PCNP: variants seen among roughly 807,000 people sequenced by gnomAD.
PCNP encodes PEST proteolytic signal-containing nuclear protein.
In PCNP, 6 loss-of-function variants were observed where a neutral mutation model predicts 21.8. The ratio of observed to expected loss-of-function variants is 0.28; its 90% CI spans 0.15 to 0.54. The LOEUF (loss-of-function observed/expected upper bound fraction) is 0.54, where lower values mean the gene tolerates loss of function less well. Among genes scored for constraint, PCNP ranks in the 20% least tolerant of loss-of-function variants. The pLI, the probability that PCNP is intolerant of heterozygous loss-of-function variation, is 0.95. For synonymous variants in PCNP, 67 were observed against 73.2 expected, an observed-to-expected ratio of 0.92 and a Z score of 0.43; for missense variants, 161 against 215.5, an observed-to-expected ratio of 0.75 and a Z score of 1.58.
chr3:101,584,767 C>T (rs1466160312), intron 2 of PCNP, among the ~76,000 whole-genome samples: 3 of 152,164 alleles, frequency 2.0e-5, no homozygotes, highest in East Asian at 3.9e-4. Context: ...CCTTGGGAGG[C>T]TGAGGCGGGT....
At chr3:101,579,646 AAC>A in intron 1 of PCNP, 142 bp from the exon 2 acceptor site, 1 of 727,424 alleles carries the variant, frequency 1.4e-6, no homozygotes, top group Non-Finnish European at 2.6e-6. Context: ...TGTATACTCT[AAC>A]AAACAGTGGA....
Position 101,579,964 on chromosome 3 carries a change from CAAAG to C in PCNP, c.244_247del (p.Lys82HisfsTer27). 1.9e-6 allele frequency: 3 copies of C among 1,613,838 alleles called. No individual in the cohort carries two copies. The highest frequency in any genetic ancestry group is 2.5e-6 in the Non-Finnish European group (3 of 1,179,806). On this transcript the variant is annotated frameshift_variant, in exon 2 of 5. Coordinates refer to ENST00000265260, the MANE Select transcript of PCNP (RefSeq NM_020357.3). LOFTEE classifies it high-confidence loss of function. ...GGATTTGCCATAGGTAGTCAGACGACAAAGAAAGCATCAGCCATATCCATCAAAC... is the reference window on the plus strand; with the variant it reads ...GGATTTGCCATAGGTAGTCAGACGACAAAGCATCAGCCATATCCATCAAAC...
At chr3:101,585,702 T>A (rs1053867420) in intron 3 of PCNP, among the ~76,000 whole-genome samples, 191 bp downstream of exon 3, 1 of 152,200 alleles carries the variant, frequency 6.6e-6, no homozygotes, top group Non-Finnish European at 1.5e-5. Context: ...TTTAGAGTAT[T>A]GTTGACTTTG....
At chr3:101,585,867 C>T (rs1935468983) in intron 3 of PCNP, among the ~76,000 whole-genome samples, 1 of 152,018 alleles carries the variant, frequency 6.6e-6, no homozygotes, top group African/African-American at 2.4e-5. Context: ...TGCATGCATT[C>T]AATTTTAAAA....
intron 3 of PCNP, among the ~76,000 whole-genome samples, chr3:101,586,582 GAGAGAGAGTTTCTTGTTTC>G (rs1485817528): frequency 4.0e-5 from 6 of 150,266 alleles, no homozygotes; most frequent in Non-Finnish European, 8.9e-5. Context: ...GAGAGAGAGA[GAGAGAGAGTTTCTTGTTTC>G]AGAGAGAGAG....
chr3:101,578,000 C>T (rs545671984), intron 1 of PCNP, among the ~76,000 whole-genome samples: 1 of 151,940 alleles, frequency 6.6e-6, no homozygotes, highest in Non-Finnish European at 1.5e-5. Flanking sequence ...TAAAATATTC[C>T]TTAGTAAAGA....
Position 101,593,051 on chromosome 3 carries a change from C to A in PCNP, c.*298C>A. 1 of 195,176 alleles carries A rather than the reference C, an allele frequency of 5.1e-6. No individual in the cohort carries two copies. The highest frequency in any genetic ancestry group is 1.0e-5 in the Non-Finnish European group (1 of 96,226). The allele number at this position is 195,176 out of a possible 1,614,324, so 12.1% of individuals were successfully genotyped here. On this transcript the variant is annotated 3_prime_UTR_variant, in exon 5 of 5. Transcript: ENST00000265260. The stretch of plus-strand genomic sequence containing the variant: ...TAAGAATTGCATATTTTTTTAGACA[C>A]AACTATTAGTACATTAAGAGGGAAG...
chr3:101,589,805 C>A (rs1935714996), intron 3 of PCNP: 3 of 196,432 alleles, frequency 1.5e-5, no homozygotes, highest in Non-Finnish European at 3.1e-5. Flanking sequence ...GTGTCAAACT[C>A]TTTTGCTATT....
chr3:101,576,884 C>G, intron 1 of PCNP: 1 of 1,606,774 alleles, frequency 6.2e-7, no homozygotes, highest in Non-Finnish European at 8.5e-7. Flanking sequence ...TTCCGCTGCC[C>G]ATCGATGTTG....
chr3:101,592,324 C>T (rs1935858934), intron 4 of PCNP, among the ~76,000 whole-genome samples: 1 of 152,022 alleles, frequency 6.6e-6, no homozygotes, highest in African/African-American at 2.4e-5. Flanking sequence ...CAGGCATGGA[C>T]CACCATGCCT....
chr3:101,590,159 C>T, intron 3 of PCNP, 56 bp from the exon 4 acceptor site: 1 of 900,810 alleles, frequency 1.1e-6, no homozygotes, highest in Non-Finnish European at 1.8e-6. Context: ...TATTAGTAAT[C>T]AGGAATTGAA....
chr3:101,575,135 T>C (rs1161401405), intron 1 of PCNP, among the ~76,000 whole-genome samples: 1 of 152,184 alleles, frequency 6.6e-6, no homozygotes, highest in East Asian at 1.9e-4. Flanking sequence ...ACGTAATCTC[T>C]CCAGCTCCCT....
intron 1 of PCNP, among the ~76,000 whole-genome samples, 190 bp downstream of exon 1, chr3:101,574,469 G>C (rs747275905): frequency 3.3e-5 from 5 of 152,192 alleles, no homozygotes; most frequent in Non-Finnish European, 7.3e-5. Context: ...TCGCCTCCTT[G>C]CCTGGGGAGA....
In PCNP at chr3:101,592,821, A is replaced by C. The variant is rs1255193020; in HGVS notation, c.*68A>C. The C allele has an allele frequency of 6.8e-7, 1 of 1,468,814 alleles. No individual in the cohort carries two copies. The highest frequency in any genetic ancestry group is 9.3e-7 in the Non-Finnish European group (1 of 1,079,540). The allele number at this position is 1,468,814 out of a possible 1,614,324, so 91.0% of individuals were successfully genotyped here. A position where few individuals can be genotyped will look rare whatever the true frequency, so the allele number is the denominator to read the frequency against. ...AAGGAACAGTTTCCTTTTTTAAAGAATGGTATAAGACTATCTTTGGAGCCG... is the reference window on the plus strand; with the variant it reads ...AAGGAACAGTTTCCTTTTTTAAAGACTGGTATAAGACTATCTTTGGAGCCG... On this transcript the variant is annotated 3_prime_UTR_variant, in exon 5 of 5. Coordinates refer to ENST00000265260, the MANE Select transcript of PCNP (RefSeq NM_020357.3).
At chr3:101,576,400 A>G in intron 1 of PCNP, 2 of 1,070,416 alleles carry the variant, frequency 1.9e-6, no homozygotes, top group Non-Finnish European at 1.3e-6. Context: ...ACGCCCAGCT[A>G]ATTTTTGTAT....
chr3:101,583,576 A>G (rs113717141), intron 2 of PCNP, among the ~76,000 whole-genome samples: 3,318 of 152,246 alleles, frequency 0.022, 117 homozygotes, highest in African/African-American at 0.076. Flanking sequence ...AGATTGCACC[A>G]CTGCACTCCA....
intron 2 of PCNP, among the ~76,000 whole-genome samples, chr3:101,583,697 G>T (rs967936456): frequency 6.6e-6 from 1 of 152,150 alleles, no homozygotes; most frequent in East Asian, 1.9e-4. Flanking sequence ...ACCCAGGCTG[G>T]AGTACAAAGG....
intron 4 of PCNP, among the ~76,000 whole-genome samples, chr3:101,590,914 CAAAT>C (rs1157642642): frequency 6.6e-6 from 1 of 151,082 alleles, no homozygotes; most frequent in Non-Finnish European, 1.5e-5. Context: ...TGGTATGAAA[CAAAT>C]GGCTTTCAGT....
At chr3:101,576,547 T>C in intron 1 of PCNP, 1 of 1,610,918 alleles carries the variant, frequency 6.2e-7, no homozygotes, top group Non-Finnish European at 8.5e-7. Flanking sequence ...CTTGGTGTGC[T>C]GGCCTCGGAC....
Sources: gnomAD v4.1 joint callset for allele counts (sites outside exome capture counted in the v4.1 genomes callset) on GRCh38, gnomAD v4.1.1 for gene constraint, MANE v1.5 for transcripts, NCBI Gene and HGNC (gene_info 2026-07-23, HGNC 2026-07-21) for gene names.